Variants in EFNA5 observed in about 807,000 individuals in gnomAD.
EFNA5 encodes ephrin-A5.
Under a neutral mutation model 22.9 loss-of-function variants are expected in EFNA5, and 5 were observed. The observed-to-expected ratio is 0.22, with a 90% confidence interval of 0.11 to 0.46. The LOEUF (loss-of-function observed/expected upper bound fraction) is 0.46. EFNA5 is among the 20% of genes least tolerant of loss of function. The pLI, the probability that EFNA5 is intolerant of heterozygous loss-of-function variation, is 0.99. For missense variants in EFNA5, 237 were observed against 293.3 expected, an observed-to-expected ratio of 0.81 and a Z score of 1.40; for synonymous variants, 113 against 112.2, an observed-to-expected ratio of 1.01 and a Z score of -0.04.
intron 1 of EFNA5, among the ~76,000 whole-genome samples, chr5:107,520,096 C>A (rs563522831): frequency 6.6e-6 from 1 of 152,136 alleles, no homozygotes; most frequent in African/African-American, 2.4e-5. Flanking sequence ...GAAATAAACA[C>A]GAAAGACAGA....
At chr5:107,431,243 T>C (rs1376629419) in intron 1 of EFNA5, among the ~76,000 whole-genome samples, 2 of 152,350 alleles carry the variant, frequency 1.3e-5, no homozygotes, top group Non-Finnish European at 1.5e-5. Context: ...CTGGAATTCA[T>C]AAAAGGCAGC....
intron 1 of EFNA5, among the ~76,000 whole-genome samples, chr5:107,525,244 T>C (rs779720175): frequency 2.0e-5 from 3 of 151,970 alleles, no homozygotes; most frequent in Non-Finnish European, 4.4e-5. Context: ...ATTACAGTTC[T>C]TGGCACATAC....
intron 1 of EFNA5, among the ~76,000 whole-genome samples, chr5:107,486,370 A>C (rs181441729): frequency 1.2e-3 from 189 of 152,286 alleles, no homozygotes; most frequent in African/African-American, 3.9e-3. Context: ...GATACAACCT[A>C]ATCAGGTTCA....
At chr5:107,436,175 A>G (rs1336601634) in intron 1 of EFNA5, among the ~76,000 whole-genome samples, 1 of 152,256 alleles carries the variant, frequency 6.6e-6, no homozygotes, top group East Asian at 1.9e-4. Flanking sequence ...CCTGTTTCAT[A>G]TAAAAGGCCC....
intron 2 of EFNA5, among the ~76,000 whole-genome samples, chr5:107,389,880 C>A (rs1580418213): frequency 6.6e-6 from 1 of 152,220 alleles, no homozygotes; most frequent in Admixed American, 6.5e-5. Context: ...TAACAACCTG[C>A]CCCACTACTT....
intron 1 of EFNA5, among the ~76,000 whole-genome samples, chr5:107,542,132 A>T (rs1359816448): frequency 3.9e-5 from 6 of 152,200 alleles, no homozygotes; most frequent in Admixed American, 1.3e-4. Flanking sequence ...TTCATATGAG[A>T]CAATGGGGCC....
chr5:107,526,616 G>C (rs1279970117), intron 1 of EFNA5, among the ~76,000 whole-genome samples: 2 of 152,186 alleles, frequency 1.3e-5, no homozygotes, highest in African/African-American at 2.4e-5. Context: ...TCTCTGATTA[G>C]TTTCCCAAGT....
At chr5:107,627,137 T>C (rs1357549214) in intron 1 of EFNA5, among the ~76,000 whole-genome samples, 7 of 152,228 alleles carry the variant, frequency 4.6e-5, no homozygotes, top group Non-Finnish European at 8.8e-5. Flanking sequence ...ATTTTGAATC[T>C]TTCTGTTTGT....
At chr5:107,438,004 G>A (rs531590526) in intron 1 of EFNA5, among the ~76,000 whole-genome samples, 54 of 152,062 alleles carry the variant, frequency 3.6e-4, no homozygotes, top group Non-Finnish European at 7.1e-4. Flanking sequence ...ACCATTTATC[G>A]GGGTAATTAA....
chr5:107,420,717 A>C (rs563246611), intron 2 of EFNA5, among the ~76,000 whole-genome samples: 155 of 152,238 alleles, frequency 1.0e-3, no homozygotes, highest in African/African-American at 3.7e-3. Flanking sequence ...CTAAAAAACA[A>C]AATTAGAAAT....
At chr5:107,574,507 G>A (rs1748885443) in intron 1 of EFNA5, among the ~76,000 whole-genome samples, 1 of 152,178 alleles carries the variant, frequency 6.6e-6, no homozygotes, top group African/African-American at 2.4e-5. Flanking sequence ...CCATTCTCCA[G>A]ATGGTAGCAG....
chr5:107,384,543 C>G (rs1747559240), intron 4 of EFNA5, among the ~76,000 whole-genome samples: 1 of 152,120 alleles, frequency 6.6e-6, no homozygotes, highest in South Asian at 2.1e-4. Context: ...ACACCCAGAG[C>G]TGGGGAAAGG....
intron 1 of EFNA5, among the ~76,000 whole-genome samples, chr5:107,490,594 G>A (rs1166368254): frequency 6.6e-6 from 1 of 152,164 alleles, no homozygotes; most frequent in Non-Finnish European, 1.5e-5. Context: ...ACCTTTCAGG[G>A]AAGTGCAGGG....
intron 2 of EFNA5, 84 bp downstream of exon 2, chr5:107,427,133 T>C (rs780621787): frequency 1.4e-6 from 2 of 1,446,902 alleles, no homozygotes; most frequent in Admixed American, 3.5e-5. Flanking sequence ...AGTCCAGCTC[T>C]CTGCAATTCT....
chr5:107,457,630 C>T (rs1341745467), intron 1 of EFNA5, among the ~76,000 whole-genome samples: 2 of 151,948 alleles, frequency 1.3e-5, no homozygotes, highest in Admixed American at 1.3e-4. Context: ...GGATGTGGCA[C>T]CCATGTATAA....
intron 1 of EFNA5, among the ~76,000 whole-genome samples, chr5:107,608,477 T>C (rs1749764864): frequency 6.6e-6 from 1 of 152,240 alleles, no homozygotes. Context: ...CTTTCAAATG[T>C]TATGTCCCAT....
chr5:107,666,395 T>A (rs1020925926), intron 1 of EFNA5, among the ~76,000 whole-genome samples: 1 of 152,120 alleles, frequency 6.6e-6, no homozygotes, highest in South Asian at 2.1e-4. Flanking sequence ...TTGGGAGTGT[T>A]GACCTAGAAT....
chr5:107,627,694 T>C (rs1350037430), intron 1 of EFNA5, among the ~76,000 whole-genome samples: 1 of 151,404 alleles, frequency 6.6e-6, no homozygotes, highest in African/African-American at 2.4e-5. Flanking sequence ...AAGTCACTAA[T>C]TCTCAGCTGT....
intron 2 of EFNA5, among the ~76,000 whole-genome samples, chr5:107,421,125 A>G (rs1295217423): frequency 1.3e-5 from 2 of 152,206 alleles, no homozygotes; most frequent in Non-Finnish European, 2.9e-5. Flanking sequence ...TTAGGAACTT[A>G]GGTTACTTTG....
Sources: allele counts gnomAD v4.1 joint callset (sites outside exome capture counted in the v4.1 genomes callset), GRCh38; gene constraint gnomAD v4.1.1; transcripts MANE v1.5; gene names NCBI Gene and HGNC (gene_info 2026-07-23, HGNC 2026-07-21).